SLAMF1: variants seen among roughly 807,000 people sequenced by gnomAD.
SLAMF1 encodes the protein signaling lymphocytic activation molecule.
In SLAMF1, 18 loss-of-function variants were observed where a neutral mutation model predicts 35.1. That is an observed-to-expected ratio of 0.51 (90% CI 0.35 to 0.76). SLAMF1 has a LOEUF of 0.76. SLAMF1 is among the 30% of genes least tolerant of loss of function. SLAMF1 has a pLI of 0.01. For synonymous variants in SLAMF1, 168 were observed against 157.2 expected (o/e 1.07, Z -0.51); for missense variants, 392 against 413.0 (o/e 0.95, Z 0.44).
At chr1:160,620,693 G>GA (rs966398564) in intron 4 of SLAMF1, among the ~76,000 whole-genome samples, 8 of 151,548 alleles carry the variant, frequency 5.3e-5, no homozygotes, top group African/African-American at 1.5e-4. Flanking sequence ...AAAGAAGTGG[G>GA]AAAAAAAAGA....
chr1:160,614,539 A>G (rs1038849994), intron 5 of SLAMF1, among the ~76,000 whole-genome samples: 1 of 149,344 alleles, frequency 6.7e-6, no homozygotes. Context: ...GCGCCACAGC[A>G]CTCTAGCCTG....
At chr1:160,612,119 G>C (rs554370894) in intron 6 of SLAMF1, among the ~76,000 whole-genome samples, 1 of 152,082 alleles carries the variant, frequency 6.6e-6, no homozygotes, top group South Asian at 2.1e-4. Context: ...GTGTGAGCAG[G>C]TATTGGGGGC....
At position 160,612,473 on chromosome 1, in the gene SLAMF1, A is replaced by C. The variant is rs777920639; in HGVS notation, c.957+15T>G. ...TATTCCCTCTCTACGGAGAGTAGGC[A>C]GAGAGATGCCTCACCTGGACAGACT... is the stretch of plus-strand genomic sequence containing the variant. On this transcript the variant is annotated intron_variant, in intron 6 of 6. Transcript: ENST00000302035. The C allele has an allele frequency of 2.2e-4, 346 of 1,558,298 alleles. 1 individual carries two copies. The highest frequency in any genetic ancestry group is 2.8e-4 in the Non-Finnish European group (322 of 1,131,134).
At chr1:160,629,952 A>G (rs1407292810) in intron 3 of SLAMF1, among the ~76,000 whole-genome samples, 1 of 152,220 alleles carries the variant, frequency 6.6e-6, no homozygotes, top group African/African-American at 2.4e-5. Flanking sequence ...CTATTTGAAG[A>G]AATGACCTTG....
chr1:160,640,985 G>A (rs538271361), intron 1 of SLAMF1, among the ~76,000 whole-genome samples: 12 of 152,262 alleles, frequency 7.9e-5, no homozygotes, highest in Non-Finnish European at 1.5e-4. Context: ...TGACTGTCTA[G>A]ATAATGTGAC....
chr1:160,625,203 C>T (rs1258963403), intron 3 of SLAMF1, among the ~76,000 whole-genome samples: 8 of 152,086 alleles, frequency 5.3e-5, no homozygotes, highest in Non-Finnish European at 1.2e-4. Context: ...CAGTGGGGAC[C>T]GAGCTGAAGC....
At chr1:160,641,568 A>G (rs1421655054) in intron 1 of SLAMF1, among the ~76,000 whole-genome samples, 3 of 152,164 alleles carry the variant, frequency 2.0e-5, no homozygotes, top group East Asian at 3.9e-4. Context: ...TTTTATGCAC[A>G]CTCAGTCATG....
At chr1:160,616,591 G>A (rs577429148) in intron 5 of SLAMF1, among the ~76,000 whole-genome samples, 1 of 152,304 alleles carries the variant, frequency 6.6e-6, no homozygotes, top group Admixed American at 6.5e-5. Context: ...ACAGATGGGT[G>A]AAGGTATTTG....
At chr1:160,615,841 C>A (rs778858255) in intron 5 of SLAMF1, 3 of 213,554 alleles carry the variant, frequency 1.4e-5, no homozygotes, top group Middle Eastern at 4.6e-4. Flanking sequence ...ATTGCAGATA[C>A]ACAACTACAA....
intron 5 of SLAMF1, among the ~76,000 whole-genome samples, chr1:160,617,656 G>A (rs190014830): frequency 1.3e-5 from 2 of 152,138 alleles, no homozygotes; most frequent in African/African-American, 4.8e-5. Flanking sequence ...TAGAAGTCAG[G>A]ATAGTGGTTA....
At chr1:160,641,674 G>A (rs1178159620) in intron 1 of SLAMF1, among the ~76,000 whole-genome samples, 1 of 152,018 alleles carries the variant, frequency 6.6e-6, no homozygotes, top group Non-Finnish European at 1.5e-5. Context: ...GAGTGTTGGG[G>A]TCTGGAGGGG....
rs1175899360 is a variant in SLAMF1 at position 160,612,541 on chromosome 1, G to T, written c.904C>A (p.Pro302Thr). ...KKLDSFPAQD[P>T]CTTIYVAATE... ...GCAGCAACATATATGGTGGTGCAAG[G>T]GTCCTGAGCTGGGAAGGAGTCAAGT... Residue 302 changes from proline (P) to threonine (T), a missense_variant, in exon 6 of 7, where the codon CCT becomes ACT. Physicochemically the swap from Pro to Thr is conservative, Grantham distance 38. Coordinates refer to ENST00000302035, the MANE Select transcript of SLAMF1 (RefSeq NM_003037.5). 8.7e-6 allele frequency: 14 copies of T among 1,613,296 alleles called. No individual in the cohort carries two copies. The highest frequency in any genetic ancestry group is 1.3e-5 in the African/African-American group (1 of 75,010).
At chr1:160,630,911 GTT>G (rs1377316924) in intron 3 of SLAMF1, among the ~76,000 whole-genome samples, 1 of 152,066 alleles carries the variant, frequency 6.6e-6, no homozygotes, top group African/African-American at 2.4e-5. Flanking sequence ...TTAAAACCCA[GTT>G]TATGTCACAT....
At chr1:160,639,245 A>C (rs1283561282) in intron 1 of SLAMF1, among the ~76,000 whole-genome samples, 1 of 151,486 alleles carries the variant, frequency 6.6e-6, no homozygotes. Context: ...TTTTTCTGTG[A>C]GATGGAGTCT....
Position 160,624,176 on chromosome 1 carries a change from G to C in SLAMF1, c.710C>G (p.Pro237Arg). Residue 237 changes from proline (P) to arginine (R), a missense_variant, in exon 4 of 7, where the codon CCA becomes CGA. By Grantham distance (103) the Pro-to-Arg change is moderately radical. Transcript: ENST00000302035. ...TAACAGCCCAGCATACACTGCCCAT[G>C]GTTTTGTTTCTGGAAAAAAAAAGAA... The part of the protein sequence containing the change: ...GCRTDPSETK[P>R]WAVYAGLLGG... 1 of 1,606,162 alleles carries C rather than the reference G, an allele frequency of 6.2e-7. No homozygotes were observed. Among genetic ancestry groups the C allele is most frequent in the South Asian group, 1.1e-5 (1 of 89,510 alleles).
At chr1:160,632,693 G>A (rs1660224115) in intron 3 of SLAMF1, among the ~76,000 whole-genome samples, 1 of 152,158 alleles carries the variant, frequency 6.6e-6, no homozygotes, top group Non-Finnish European at 1.5e-5. Flanking sequence ...CTCTAATAGG[G>A]CAGCTATACC....
chr1:160,641,304 T>C (rs985595103), intron 1 of SLAMF1, among the ~76,000 whole-genome samples: 3 of 151,866 alleles, frequency 2.0e-5, no homozygotes, highest in African/African-American at 7.3e-5. Flanking sequence ...AAAAATCCCA[T>C]TTTCAGGCCA....
chr1:160,617,707 A>T (rs1300564244), intron 5 of SLAMF1, among the ~76,000 whole-genome samples: 1 of 152,202 alleles, frequency 6.6e-6, no homozygotes, highest in Non-Finnish European at 1.5e-5. Context: ...GGGAAGTGGC[A>T]CAGGAGGCCT....
At chr1:160,618,072 A>T (rs549927865) in intron 5 of SLAMF1, among the ~76,000 whole-genome samples, 27 of 64,368 alleles carry the variant, frequency 4.2e-4, no homozygotes, top group Admixed American at 8.2e-4. Flanking sequence ...GACTCTGTCA[A>T]AAAACAAAAA....
Sources: gnomAD v4.1 joint callset for allele counts (sites outside exome capture counted in the v4.1 genomes callset) on GRCh38, gnomAD v4.1.1 for gene constraint, MANE v1.5 for transcripts, NCBI Gene and HGNC (gene_info 2026-07-23, HGNC 2026-07-21) for gene names.